Variants in GRIN1 observed in about 807,000 individuals in gnomAD.
GRIN1 encodes the protein glutamate receptor ionotropic, NMDA 1.
A neutral mutation model predicts 103.0 loss-of-function variants in GRIN1; 38 were observed. That is an observed-to-expected ratio of 0.37 (90% CI 0.28 to 0.48). The LOEUF is 0.48. Ranked by LOEUF, GRIN1 falls within the 20% of genes least tolerant of loss-of-function variation. The pLI, the probability that GRIN1 is intolerant of heterozygous loss-of-function variation, is 0.98. For synonymous variants in GRIN1, 544 were observed against 532.7 expected, an observed-to-expected ratio of 1.02 and a Z score of -0.29; for missense variants, 577 against 1,288.9, an observed-to-expected ratio of 0.45 and a Z score of 8.46.
chr9:137,166,140 G>T (rs1833866889), intron 19 of GRIN1, among the ~76,000 whole-genome samples: 1 of 152,188 alleles, frequency 6.6e-6, no homozygotes, highest in African/African-American at 2.4e-5. Context: ...TTCCCAGACA[G>T]GGAGGCCTCT....
In GRIN1 at chr9:137,160,346, G is replaced by T. The variant is rs192681495; in HGVS notation, c.1198-710G>T. 9.2e-5 allele frequency among the ~76,000 whole-genome samples: 14 copies of T among 152,292 alleles called. No individual in the cohort carries two copies. In the East Asian group the frequency reaches 2.7e-3, roughly 29 times the overall value. On this transcript the variant is annotated intron_variant, in intron 8 of 19. Transcript: ENST00000371561. Reference sequence around the variant, plus strand: ...GTCCTCGTGGCACAGCAGGGTGGGGGTCAGCCTGCAGGCTGGGCTGTTTCT... The same window carrying T: ...GTCCTCGTGGCACAGCAGGGTGGGGTTCAGCCTGCAGGCTGGGCTGTTTCT...
intron 2 of GRIN1, among the ~76,000 whole-genome samples, chr9:137,143,671 G>T (rs1392149507): frequency 6.6e-6 from 1 of 152,232 alleles, no homozygotes; most frequent in Non-Finnish European, 1.5e-5. Context: ...GTCAGAGCTA[G>T]TCCAAGACCT....
At chr9:137,166,498 C>T (rs915622585) in intron 19 of GRIN1, among the ~76,000 whole-genome samples, 9 of 152,242 alleles carry the variant, frequency 5.9e-5, no homozygotes, top group Non-Finnish European at 8.8e-5. Flanking sequence ...GGAGGAAGTG[C>T]GATTTGCAGC....
chr9:137,162,333 C>G (rs1260524845), intron 12 of GRIN1, 43 bp downstream of exon 12: 3 of 1,548,548 alleles, frequency 1.9e-6, no homozygotes, highest in Non-Finnish European at 2.6e-6. Flanking sequence ...CTGCGGGGCG[C>G]GGAGCCGGCC....
chr9:137,141,942 C>G lies in GRIN1; in HGVS notation c.259-71C>G, dbSNP rs979094319. 3 of 1,555,566 alleles carry G rather than the reference C, an allele frequency of 1.9e-6. No individual in the cohort carries two copies. In the African/African-American group the frequency reaches 4.1e-5, roughly 21 times the overall value. On this transcript the variant is annotated intron_variant, in intron 1 of 19. Transcript: ENST00000371561. ...TGCTGGGTTCAGCCCCTGCTGCTTCCAGATCTCAGCCTCTAACCCAGTGCC... is the reference window on the plus strand; with the variant it reads ...TGCTGGGTTCAGCCCCTGCTGCTTCGAGATCTCAGCCTCTAACCCAGTGCC...
intron 8 of GRIN1, 151 bp from the exon 9 acceptor site, chr9:137,160,905 A>C (rs1833499724): frequency 1.1e-6 from 1 of 936,826 alleles, no homozygotes; most frequent in East Asian, 2.6e-5. Context: ...AGCTCCAGAG[A>C]GGGGCAGTGG....
At chr9:137,141,917 T>C in intron 1 of GRIN1, 96 bp from the exon 2 acceptor site, 2 of 1,315,016 alleles carry the variant, frequency 1.5e-6, no homozygotes, top group Non-Finnish European at 2.2e-6. Context: ...CCCCTTAGCC[T>C]GCTGGGTTCA....
At chr9:137,164,894 T>C (rs1833782243) in intron 18 of GRIN1, 4 of 446,558 alleles carry the variant, frequency 9.0e-6, no homozygotes, top group South Asian at 4.2e-5. Context: ...TCGGGACGCC[T>C]GTAAGCCAGG....
At chr9:137,160,763 G>A (rs1833488405) in intron 8 of GRIN1, among the ~76,000 whole-genome samples, 1 of 152,230 alleles carries the variant, frequency 6.6e-6, no homozygotes, top group Non-Finnish European at 1.5e-5. Flanking sequence ...TGGAGAAAAA[G>A]TGGCCAAGAG....
intron 10 of GRIN1, 48 bp downstream of exon 10, chr9:137,161,464 G>T: frequency 1.3e-6 from 2 of 1,580,806 alleles, no homozygotes; most frequent in Non-Finnish European, 8.6e-7. Context: ...GGGCCTGCAG[G>T]CGCGGTCGGA....
At chr9:137,158,292 A>C in intron 6 of GRIN1, 87 bp from the exon 7 acceptor site, 1 of 1,424,118 alleles carries the variant, frequency 7.0e-7, no homozygotes, top group African/African-American at 1.4e-5. Flanking sequence ...AGGGGGAAGG[A>C]GCAGGGAGAA....
In GRIN1 at chr9:137,163,250, G is replaced by A. The variant is rs1219774135; in HGVS notation, c.2253G>A (p.Glu751=). 23 of 1,613,712 alleles carry A rather than the reference G, an allele frequency of 1.4e-5. No homozygotes were observed. Among genetic ancestry groups the A allele is most frequent in the Non-Finnish European group, 1.8e-5 (21 of 1,179,964 alleles). ...AGTGCGACCTGGTGACGACTGGAGA[G>A]CTGTTTTTCCGCTCGGGCTTCGGCA... ...SQKCDLVTTG[E]LFFRSGFGIG... The change falls in exon 16 of 20, where the codon GAG becomes GAA. Residue 751 remains glutamate (E), a synonymous_variant. Transcript: ENST00000371561.
At chr9:137,147,481 A>C (rs1832613309) in intron 3 of GRIN1, among the ~76,000 whole-genome samples, 1 of 150,998 alleles carries the variant, frequency 6.6e-6, no homozygotes, top group Non-Finnish European at 1.5e-5. Flanking sequence ...CGCACACACA[A>C]GCACGCACAC....
Position 137,142,048 on chromosome 9 carries a change from C to A in GRIN1, c.294C>A (p.Pro98=). The change falls in exon 2 of 20, where the codon CCC becomes CCA. Residue 98 remains proline (P), a synonymous_variant. Coordinates refer to ENST00000371561, the MANE Select transcript of GRIN1 (RefSeq NM_007327.4). ...YAILVSHPPT[P]NDHFTPTPVS... ...TCCTAGTTAGCCATCCACCTACCCC[C>A]AACGACCACTTCACTCCCACCCCTG... 1 of 1,614,186 alleles carries A rather than the reference C, an allele frequency of 6.2e-7. No homozygotes were observed. Among genetic ancestry groups the A allele is most frequent in the South Asian group, 1.1e-5 (1 of 91,090 alleles).
At chr9:137,161,021 C>A in intron 8 of GRIN1, 35 bp from the exon 9 acceptor site, 1 of 1,611,796 alleles carries the variant, frequency 6.2e-7, no homozygotes, top group Non-Finnish European at 8.5e-7. Context: ...AGCCTTAGGT[C>A]GGTGGTCCAG....
chr9:137,148,505 C>T (rs527496628), intron 3 of GRIN1, among the ~76,000 whole-genome samples: 3 of 152,324 alleles, frequency 2.0e-5, no homozygotes, highest in African/African-American at 4.8e-5. Context: ...AGGGTTTCCT[C>T]GTGGAACCCG....
In GRIN1 at chr9:137,139,979, C is replaced by T. The variant is rs2301363; in HGVS notation, c.258+235C>T. Reference sequence around the variant, plus strand: ...GCCACCTTGGCTGGTCCTCAGAGGGCCCCTGGGGCTCCAGGCCCTGACTGG... The same window carrying T: ...GCCACCTTGGCTGGTCCTCAGAGGGTCCCTGGGGCTCCAGGCCCTGACTGG... On this transcript the variant is annotated intron_variant, in intron 1 of 19. Coordinates refer to ENST00000371561, the MANE Select transcript of GRIN1 (RefSeq NM_007327.4). This position sits in a 1 kb window ranked among gnomAD's most constrained non-coding sequence, Gnocchi z 7.7. 0.15 allele frequency among the ~76,000 whole-genome samples: 23,471 copies of T among 152,164 alleles called. 2,050 individuals carry two copies. The highest frequency in any genetic ancestry group is 0.31 in the South Asian group (1,514 of 4,812).
chr9:137,159,053 C>G (rs903447201), intron 8 of GRIN1, among the ~76,000 whole-genome samples: 1 of 152,192 alleles, frequency 6.6e-6, no homozygotes, highest in Non-Finnish European at 1.5e-5. Flanking sequence ...GTCCCCAGTC[C>G]TGGTCCTCCA....
At position 137,167,950 on chromosome 9, in the gene GRIN1, C is replaced by G; in HGVS notation, c.*423C>G. 1 of 976,218 alleles carries G rather than the reference C, an allele frequency of 1.0e-6. No individual in the cohort carries two copies. The highest frequency in any genetic ancestry group is 1.6e-6 in the Non-Finnish European group (1 of 635,178). 60.5% of individuals were successfully genotyped at this position (976,218 alleles called of 1,614,324 possible). A position where few individuals can be genotyped will look rare whatever the true frequency, so the allele number is the denominator to read the frequency against. On this transcript the variant is annotated 3_prime_UTR_variant, in exon 20 of 20. Coordinates refer to ENST00000371561, the MANE Select transcript of GRIN1 (RefSeq NM_007327.4). Reference sequence around the variant, plus strand: ...CCCACCCGCCCCAGAGACTGCCCACCCTGGGCCTCCCGTCCGTCCGCCCGC... The same window carrying G: ...CCCACCCGCCCCAGAGACTGCCCACGCTGGGCCTCCCGTCCGTCCGCCCGC...
Sources: allele counts gnomAD v4.1 joint callset (sites outside exome capture counted in the v4.1 genomes callset), GRCh38; gene constraint gnomAD v4.1.1; non-coding constraint Gnocchi (gnomAD v3.1); transcripts MANE v1.5; gene names NCBI Gene and HGNC (gene_info 2026-07-23, HGNC 2026-07-21).